Variants in KDELR3 observed in about 807,000 individuals in gnomAD.
KDELR3 encodes the protein KDEL endoplasmic reticulum protein retention receptor 3, also known as ER lumen protein-retaining receptor 3.
KDELR3 carries 26 observed loss-of-function variants against 22.7 expected under a neutral mutation model. The ratio of observed to expected loss-of-function variants is 1.15; its 90% CI spans 0.84 to 1.59. The LOEUF is 1.59. Among genes scored for constraint, KDELR3 ranks in the 40% most tolerant of loss-of-function variants. The pLI, the probability that KDELR3 is intolerant of heterozygous loss-of-function variation, is 0.00. For synonymous variants in KDELR3, 120 were observed against 98.2 expected (o/e 1.22, Z -1.31); for missense variants, 289 against 251.1 (o/e 1.15, Z -1.02).
chr22:38,482,488 T>A lies in KDELR3; in HGVS notation c.605-8T>A. 6.2e-7 allele frequency: 1 copy of A among 1,608,878 alleles called. No individual in the cohort carries two copies. The highest frequency in any genetic ancestry group is 1.3e-5 in the African/African-American group (1 of 74,926). ...GTAAATTCTTATTTCATCTCCATTT[T>A]CTTCCAGTCCTTAAGGGAAAGAAGT... is the stretch of plus-strand genomic sequence containing the variant. On this transcript the variant is annotated splice_polypyrimidine_tract_variant and splice_region_variant and intron_variant, in intron 4 of 4. Transcript: ENST00000216014.
At position 38,482,390 on chromosome 22, in the gene KDELR3, T is replaced by C. The variant is rs111504481; in HGVS notation, c.605-106T>C. The C allele has an allele frequency of 7.3e-3, 6,705 of 922,500 alleles. 298 individuals carry two copies. In the African/African-American group the frequency reaches 0.096, roughly 13 times the overall value. 57.1% of individuals were successfully genotyped at this position (922,500 alleles called of 1,614,324 possible). A position where few individuals can be genotyped will look rare whatever the true frequency, so the allele number is the denominator to read the frequency against. ...CCCTTTGCTTTAACAATCGAACATA[T>C]ACTGTGAGCCGGCCATTAAGAGATG... On this transcript the variant is annotated intron_variant, in intron 4 of 4. Coordinates refer to ENST00000216014, the MANE Select transcript of KDELR3 (RefSeq NM_006855.4).
intron 1 of KDELR3, among the ~76,000 whole-genome samples, chr22:38,471,051 G>T (rs1312229028): frequency 6.6e-6 from 1 of 152,226 alleles, no homozygotes; most frequent in African/African-American, 2.4e-5. Flanking sequence ...GGCTGAGGCA[G>T]GAGAATCGCT....
chr22:38,473,241 A>G (rs1283978033), intron 1 of KDELR3, among the ~76,000 whole-genome samples: 1 of 152,102 alleles, frequency 6.6e-6, no homozygotes, highest in African/African-American at 2.4e-5. Context: ...TGGGCGACAT[A>G]GTGAAACTCT....
chr22:38,468,496 AGAG>A (rs369789409), intron 1 of KDELR3, among the ~76,000 whole-genome samples, 172 bp downstream of exon 1: 26 of 152,274 alleles, frequency 1.7e-4, no homozygotes, highest in East Asian at 3.9e-4. Flanking sequence ...GTATAAAATC[AGAG>A]GAGGAGGACC....
intron 1 of KDELR3, among the ~76,000 whole-genome samples, chr22:38,469,220 A>G (rs2089508487): frequency 6.6e-6 from 1 of 152,158 alleles, no homozygotes; most frequent in Non-Finnish European, 1.5e-5. Flanking sequence ...AGAGGCATGG[A>G]GGTCACCAAG....
intron 4 of KDELR3, chr22:38,481,764 T>C: frequency 1.3e-6 from 1 of 783,260 alleles, no homozygotes; most frequent in Non-Finnish European, 1.8e-6. Context: ...CAGCTTGGTG[T>C]GATGGACAAA....
intron 1 of KDELR3, among the ~76,000 whole-genome samples, chr22:38,472,773 C>T (rs962178833): frequency 2.0e-5 from 3 of 152,144 alleles, no homozygotes; most frequent in African/African-American, 7.2e-5. Flanking sequence ...GATCTCGGCT[C>T]ACTGCAACCT....
At chr22:38,474,807 G>T (rs1357555438) in intron 2 of KDELR3, among the ~76,000 whole-genome samples, 184 bp downstream of exon 2, 1 of 152,074 alleles carries the variant, frequency 6.6e-6, no homozygotes, top group Non-Finnish European at 1.5e-5. Context: ...GTGCAAAAAT[G>T]AGGACAGGGC....
At chr22:38,481,073 ATAT>A (rs996290488) in intron 3 of KDELR3, 136 bp from the exon 4 acceptor site, 20 of 766,954 alleles carry the variant, frequency 2.6e-5, no homozygotes, top group African/African-American at 1.4e-4. Flanking sequence ...ACTGATTAAA[ATAT>A]TATAATTTTT....
At chr22:38,470,634 C>T (rs2089519078) in intron 1 of KDELR3, among the ~76,000 whole-genome samples, 1 of 152,134 alleles carries the variant, frequency 6.6e-6, no homozygotes, top group African/African-American at 2.4e-5. Flanking sequence ...ACTCTCACTC[C>T]TCCCCTTGAC....
chr22:38,474,400 G>T (rs1324571105), intron 1 of KDELR3, 123 bp from the exon 2 acceptor site: 12 of 691,530 alleles, frequency 1.7e-5, no homozygotes, highest in Non-Finnish European at 3.0e-5. Flanking sequence ...GCCCTGGACA[G>T]GAGGTCTTTG....
chr22:38,481,661 C>G, intron 4 of KDELR3, 197 bp downstream of exon 4: 16 of 1,416,620 alleles, frequency 1.1e-5, no homozygotes, highest in Non-Finnish European at 1.4e-5. Flanking sequence ...GTTATGTGTA[C>G]TATGCAAGAC....
At chr22:38,472,338 A>G (rs970822350) in intron 1 of KDELR3, among the ~76,000 whole-genome samples, 1 of 151,964 alleles carries the variant, frequency 6.6e-6, no homozygotes, top group Non-Finnish European at 1.5e-5. Flanking sequence ...TTAGCCGGGC[A>G]TGATGGTGGG....
Position 38,481,313 on chromosome 22 carries a change from C to T in KDELR3, c.453C>T (p.Tyr151=). ...AGGCTGAGACCATAACTACTCACTA[C>T]CTGTTCTTTCTGGGTCTGTACCGGG... is the stretch of plus-strand genomic sequence containing the variant. The part of the protein sequence containing the change: ...TGEAETITTH[Y]LFFLGLYRAL... Residue 151 remains tyrosine, a synonymous_variant, in exon 4 of 5, where the codon TAC becomes TAT. Transcript: ENST00000216014. 1 of 1,614,190 alleles carries T rather than the reference C, an allele frequency of 6.2e-7. No homozygotes were observed. The highest frequency in any genetic ancestry group is 8.5e-7 in the Non-Finnish European group (1 of 1,180,028).
chr22:38,472,043 G>A (rs137969232), intron 1 of KDELR3, among the ~76,000 whole-genome samples: 423 of 152,224 alleles, frequency 2.8e-3, no homozygotes, highest in Non-Finnish European at 4.7e-3. Flanking sequence ...CAGTTCAGGG[G>A]TACAGGGGAA....
intron 1 of KDELR3, among the ~76,000 whole-genome samples, chr22:38,472,333 C>A (rs370202516): frequency 6.6e-6 from 1 of 151,782 alleles, no homozygotes; most frequent in African/African-American, 2.4e-5. Context: ...AAAAATTAGC[C>A]GGGCATGATG....
chr22:38,471,796 T>C (rs2089526623), intron 1 of KDELR3, among the ~76,000 whole-genome samples: 1 of 151,864 alleles, frequency 6.6e-6, no homozygotes, highest in Non-Finnish European at 1.5e-5. Context: ...AAATCTTGTC[T>C]CTAGAAAAAA....
rs756799856 is a variant in KDELR3 at position 38,482,924 on chromosome 22, G to A, written c.*388G>A. 7 of 196,542 alleles carry A rather than the reference G, an allele frequency of 3.6e-5. No homozygotes were observed. The highest frequency in any genetic ancestry group is 7.2e-5 in the Non-Finnish European group (7 of 97,262). The allele number at this position is 196,542 out of a possible 1,614,324, so 12.2% of individuals were successfully genotyped here. On this transcript the variant is annotated 3_prime_UTR_variant, in exon 5 of 5. Transcript: ENST00000216014. ...CTTAGAATGTCCCAACTAAAGACCA[G>A]TTAAAATATTAGGGTACGTTCTTGT...
At chr22:38,480,384 T>A (rs902259072) in intron 3 of KDELR3, among the ~76,000 whole-genome samples, 28 of 152,080 alleles carry the variant, frequency 1.8e-4, no homozygotes, top group Non-Finnish European at 3.8e-4. Flanking sequence ...CCTCAAGTGA[T>A]CCACCCACCT....
Sources: allele counts gnomAD v4.1 joint callset (sites outside exome capture counted in the v4.1 genomes callset), GRCh38; gene constraint gnomAD v4.1.1; transcripts MANE v1.5; gene names NCBI Gene and HGNC (gene_info 2026-07-23, HGNC 2026-07-21).